The following HTR2C variants were observed in gnomAD, a reference collection of about 807,000 sequenced individuals.
The protein encoded by HTR2C is 5-hydroxytryptamine receptor 2C, also known as 5-hydroxytryptamine (serotonin) receptor 2C, G protein-coupled.
In HTR2C, 5 loss-of-function variants were observed where a neutral mutation model predicts 21.0. The observed-to-expected ratio is 0.24, with a 90% CI of 0.12 to 0.50. HTR2C has a LOEUF of 0.50. Among genes scored for constraint, HTR2C ranks in the 20% least tolerant of loss-of-function variants. The pLI is 0.98. For synonymous variants in HTR2C, 150 were observed against 145.3 expected (o/e 1.03, Z -0.23); for missense variants, 271 against 371.2 (o/e 0.73, Z 2.22).
At chrX:114,795,978 A>G (rs1293477455) in intron 4 of HTR2C, among the ~76,000 whole-genome samples, 2 of 111,806 alleles carry the variant, frequency 1.8e-5, no homozygotes, top group East Asian at 5.6e-4. Context: ...TTGAAGGAAC[A>G]TAATACCTTA....
chrX:114,859,041 A>G (rs941783004), intron 5 of HTR2C, among the ~76,000 whole-genome samples: 10 of 108,847 alleles, frequency 9.2e-5, no homozygotes, highest in African/African-American at 3.3e-4. Flanking sequence ...TTTTTTTTCT[A>G]TATCATTGGA....
chrX:114,742,819 G>A (rs1357481285), intron 4 of HTR2C, among the ~76,000 whole-genome samples: 2 of 57,171 alleles, frequency 3.5e-5, no homozygotes, highest in East Asian at 7.0e-4. Context: ...ATGCTGGTGC[G>A]CTGCACCCAC....
chrX:114,653,131 T>A (rs940544333), intron 2 of HTR2C, among the ~76,000 whole-genome samples: 3 of 108,822 alleles, frequency 2.8e-5, no homozygotes, highest in African/African-American at 1.0e-4. Context: ...CTTTGTCACT[T>A]AGCTTTTTTT....
chrX:114,613,451 T>C (rs1277462707), intron 1 of HTR2C, among the ~76,000 whole-genome samples: 2 of 110,849 alleles, frequency 1.8e-5, no homozygotes, highest in Non-Finnish European at 3.8e-5. Context: ...CTGGGTTCTG[T>C]ACTGCAACCT....
chrX:114,776,278 A>G, intron 4 of HTR2C: 1 of 589,189 alleles, frequency 1.7e-6, no homozygotes, highest in East Asian at 3.2e-5. Flanking sequence ...GTACATTGAG[A>G]CCAGCAATAG....
At chrX:114,866,394 A>G (rs1602893755) in intron 5 of HTR2C, among the ~76,000 whole-genome samples, 1 of 109,491 alleles carries the variant, frequency 9.1e-6, no homozygotes, top group East Asian at 2.9e-4. Context: ...TTTTTTAGGT[A>G]CACAGTAGGT....
intron 1 of HTR2C, among the ~76,000 whole-genome samples, chrX:114,586,331 T>C (rs782431360): frequency 1.8e-5 from 2 of 111,909 alleles, no homozygotes; most frequent in East Asian, 5.6e-4. Flanking sequence ...AAATAAATAA[T>C]TTTGTCCATA....
chrX:114,666,915 T>C (rs1931197963), intron 2 of HTR2C, among the ~76,000 whole-genome samples: 1 of 111,590 alleles, frequency 9.0e-6, no homozygotes, highest in Non-Finnish European at 1.9e-5. Context: ...TTAGCAACTG[T>C]AGCAGTGACA....
chrX:114,705,508 T>A (rs1338209578), intron 2 of HTR2C, among the ~76,000 whole-genome samples: 1 of 108,515 alleles, frequency 9.2e-6, no homozygotes, highest in Non-Finnish European at 1.9e-5. Flanking sequence ...TAGCCATATG[T>A]AGAAAGCTGA....
intron 2 of HTR2C, among the ~76,000 whole-genome samples, chrX:114,722,025 T>G (rs782439282): frequency 1.2e-4 from 13 of 109,899 alleles, no homozygotes; most frequent in Non-Finnish European, 9.5e-5. Context: ...CCATATGAAC[T>G]TTAAAGTATT....
intron 4 of HTR2C, chrX:114,776,282 G>T: frequency 1.7e-6 from 1 of 594,745 alleles, no homozygotes; most frequent in Non-Finnish European, 3.0e-6. Context: ...ATTGAGACCA[G>T]CAATAGTTCC....
At chrX:114,684,734 T>A (rs1402767026) in intron 2 of HTR2C, among the ~76,000 whole-genome samples, 1 of 110,935 alleles carries the variant, frequency 9.0e-6, no homozygotes, top group Non-Finnish European at 1.9e-5. Context: ...TCTAAGAAAA[T>A]GAGAATGGTA....
chrX:114,837,769 T>G lies in HTR2C; in HGVS notation c.350-10234T>G, dbSNP rs939558686. 5.4e-5 allele frequency among the ~76,000 whole-genome samples: 6 copies of G among 111,287 alleles called. No homozygotes were observed. The East Asian group carries it at 1.7e-3, about 31-fold the overall frequency. Reference sequence around the variant, plus strand: ...TTTTCCAAAGTTATACAAGTTAGTTTATACTCTTATCATAGTGAAAATTAA... The same window carrying G: ...TTTTCCAAAGTTATACAAGTTAGTTGATACTCTTATCATAGTGAAAATTAA... On this transcript the variant is annotated intron_variant, in intron 4 of 5. Transcript: ENST00000276198.
intron 2 of HTR2C, among the ~76,000 whole-genome samples, chrX:114,683,781 G>C (rs1013296305): frequency 9.0e-6 from 1 of 111,133 alleles, no homozygotes; most frequent in African/African-American, 3.3e-5. Flanking sequence ...GTGACAGAGT[G>C]AGATTCCATC....
chrX:114,735,882 G>A (rs1244336820), intron 4 of HTR2C, among the ~76,000 whole-genome samples: 3 of 111,311 alleles, frequency 2.7e-5, no homozygotes, highest in African/African-American at 9.8e-5. Flanking sequence ...GGAGGCCGAG[G>A]TGGGCAGATC....
chrX:114,702,389 G>C (rs1448248407), intron 2 of HTR2C, among the ~76,000 whole-genome samples: 3 of 109,967 alleles, frequency 2.7e-5, no homozygotes, highest in South Asian at 4.0e-4. Context: ...AGCCAGAAGA[G>C]AGTGGGGGCC....
At chrX:114,799,165 G>A (rs782472676) in intron 4 of HTR2C, among the ~76,000 whole-genome samples, 15 of 110,872 alleles carry the variant, frequency 1.4e-4, no homozygotes, top group Non-Finnish European at 2.7e-4. Flanking sequence ...AGGCTTTATT[G>A]AGACATTATC....
chrX:114,752,030 C>A (rs1297052318), intron 4 of HTR2C, among the ~76,000 whole-genome samples: 1 of 111,844 alleles, frequency 8.9e-6, no homozygotes, highest in African/African-American at 3.2e-5. Flanking sequence ...AAACTGATAC[C>A]TGGGAGCAGA....
chrX:114,732,595 G>C (rs782799569), intron 4 of HTR2C, among the ~76,000 whole-genome samples: 1 of 111,452 alleles, frequency 9.0e-6, no homozygotes, highest in African/African-American at 3.3e-5. Context: ...ATCTTAATAG[G>C]CATTTTATAA....
Sources: gnomAD v4.1 joint callset for allele counts (sites outside exome capture counted in the v4.1 genomes callset) on GRCh38, gnomAD v4.1.1 for gene constraint, MANE v1.5 for transcripts, NCBI Gene and HGNC (gene_info 2026-07-23, HGNC 2026-07-21) for gene names.